The following ZAN variants were observed in gnomAD, a reference collection of about 807,000 sequenced individuals.
The protein encoded by ZAN is zonadhesin, also known as zonadhesin (gene/pseudogene).
In ZAN, 260 loss-of-function variants were observed where a neutral mutation model predicts 286.2. The observed-to-expected ratio is 0.91, with a 90% confidence interval of 0.82 to 1.01. The LOEUF is 1.01. ZAN is among the 50% of genes least tolerant of loss of function. The pLI, the probability that ZAN is intolerant of heterozygous loss-of-function variation, is 0.00. For synonymous variants in ZAN, 1,368 were observed against 1,417.5 expected, an observed-to-expected ratio of 0.97 and a Z score of 0.79; for missense variants, 3,410 against 3,639.2, an observed-to-expected ratio of 0.94 and a Z score of 1.62.
At chr7:100,749,987 G>T (rs1179041890) in intron 11 of ZAN, among the ~76,000 whole-genome samples, 1 of 146,048 alleles carries the variant, frequency 6.8e-6, no homozygotes, top group Non-Finnish European at 1.5e-5. Context: ...GGAGGTGGAG[G>T]TTGTAGTGAG....
At chr7:100,788,197 G>A in intron 38 of ZAN, 61 bp downstream of exon 38, 1 of 1,423,440 alleles carries the variant, frequency 7.0e-7, no homozygotes, top group African/African-American at 1.4e-5. Context: ...TAGGCCACCT[G>A]GAGTAGAAGT....
At chr7:100,767,340 C>T in intron 25 of ZAN, 83 bp downstream of exon 25, 1 of 1,536,444 alleles carries the variant, frequency 6.5e-7, no homozygotes, top group Non-Finnish European at 8.7e-7. Flanking sequence ...CCCGGATGCC[C>T]ACCTCTCTGG....
At chr7:100,750,275 T>C (rs1220075874) in intron 11 of ZAN, among the ~76,000 whole-genome samples, 1 of 151,904 alleles carries the variant, frequency 6.6e-6, no homozygotes, top group Non-Finnish European at 1.5e-5. Flanking sequence ...TAGCTGGGAC[T>C]CCAGGCACGG....
At chr7:100,776,666 C>T in intron 34 of ZAN, 102 bp downstream of exon 34, 2 of 630,756 alleles carry the variant, frequency 3.2e-6, no homozygotes, top group Non-Finnish European at 2.3e-6. Context: ...CTCCCCTCCC[C>T]TTCCTTCCTT....
At chr7:100,738,779 C>G (rs994413971) in intron 7 of ZAN, among the ~76,000 whole-genome samples, 166 bp downstream of exon 7, 1 of 137,936 alleles carries the variant, frequency 7.2e-6, no homozygotes, top group African/African-American at 2.6e-5. Flanking sequence ...TCCCCCACCA[C>G]CGCCCTACAA....
At chr7:100,778,365 A>C (rs1810959078) in intron 34 of ZAN, among the ~76,000 whole-genome samples, 1 of 150,666 alleles carries the variant, frequency 6.6e-6, no homozygotes. Context: ...ACACTTCGTG[A>C]GGCCAATGTG....
Position 100,768,599 on chromosome 7 carries a change from C to A in ZAN, c.5042-11C>A, listed in dbSNP as rs569056525. The A allele has an allele frequency of 5.0e-6, 8 of 1,591,542 alleles. No individual in the cohort carries two copies. In the African/African-American group the frequency reaches 1.1e-4, roughly 21 times the overall value. On this transcript the variant is annotated splice_polypyrimidine_tract_variant and intron_variant, in intron 26 of 47. Coordinates refer to ENST00000613979, the MANE Select transcript of ZAN (RefSeq NM_003386.3). The stretch of plus-strand genomic sequence containing the variant: ...CCCCTTCTTGCCTGTTTTAATGACT[C>A]CCTCCTCTAGGGAACTACAACAACA...
At chr7:100,738,818 G>A (rs927008800) in intron 7 of ZAN, among the ~76,000 whole-genome samples, 1 of 130,714 alleles carries the variant, frequency 7.7e-6, no homozygotes, top group African/African-American at 2.8e-5. Context: ...AATACAGCCA[G>A]CTCCTCATCT....
At position 100,737,306 on chromosome 7, in the gene ZAN, C is replaced by A; in HGVS notation, c.570C>A (p.Ile190=). 6.7e-7 allele frequency: 1 copy of A among 1,488,832 alleles called. No homozygotes were observed. The highest frequency in any genetic ancestry group is 2.3e-5 in the East Asian group (1 of 42,640). 92.2% of individuals were successfully genotyped at this position (1,488,832 alleles called of 1,614,324 possible). A position where few individuals can be genotyped will look rare whatever the true frequency, so the allele number is the denominator to read the frequency against. Residue 190 remains isoleucine, a synonymous_variant, in exon 6 of 48, where the codon ATC becomes ATA. Coordinates refer to ENST00000613979, the MANE Select transcript of ZAN (RefSeq NM_003386.3). The part of the protein sequence containing the change: ...GTRGSTAYLD[I]ALDALSIRRG... ...GGGGTAGCACTGCCTACCTGGACAT[C>A]GCCCTGGATGCCCTCTCTATCCGCC...
intron 35 of ZAN, among the ~76,000 whole-genome samples, chr7:100,782,460 C>T (rs1811254060): frequency 6.6e-6 from 1 of 152,044 alleles, no homozygotes; most frequent in Non-Finnish European, 1.5e-5. Flanking sequence ...TTCCGAGTAG[C>T]TGGGATTACA....
chr7:100,771,316 C>G (rs187200911), intron 28 of ZAN, among the ~76,000 whole-genome samples: 1 of 152,300 alleles, frequency 6.6e-6, no homozygotes, highest in East Asian at 1.9e-4. Context: ...AGCTCATCCT[C>G]CTGCCTCAGC....
At chr7:100,749,601 T>C (rs1394277853) in intron 11 of ZAN, among the ~76,000 whole-genome samples, 41 of 145,526 alleles carry the variant, frequency 2.8e-4, no homozygotes, top group African/African-American at 5.4e-4. Context: ...GATCACGCCA[T>C]TGTACTCCAG....
intron 45 of ZAN, among the ~76,000 whole-genome samples, chr7:100,795,645 G>A (rs957550662): frequency 3.3e-5 from 5 of 151,880 alleles, no homozygotes; most frequent in South Asian, 4.2e-4. Context: ...GGTGGCTCAC[G>A]CCTGTAATCC....
chr7:100,738,313 G>A, intron 6 of ZAN, 148 bp from the exon 7 acceptor site: 1 of 732,906 alleles, frequency 1.4e-6, no homozygotes, highest in Non-Finnish European at 2.2e-6. Flanking sequence ...AGCTACTTGA[G>A]AGGTTGAGGT....
rs753272086 is a variant in ZAN at position 100,779,652 on chromosome 7, G to A, written c.6524G>A (p.Gly2175Asp). ...GCAAACACCCTCTGTGAGTTCGGAG[G>A]TCTCTACCAGGCCCTCTGCCAGGCT... ...DCANTLCEFG[G>D]LYQALCQALQ... Residue 2175 changes from glycine (G) to aspartate (D), a missense_variant, in exon 35 of 48, where the codon GGT (glycine) becomes GAT (aspartate). Gly to Asp is a moderately conservative substitution (Grantham distance 94). Transcript: ENST00000613979. The A allele has an allele frequency of 2.5e-6, 4 of 1,582,872 alleles. 1 individual carries two copies. The South Asian group carries it at 4.6e-5, about 18-fold the overall frequency.
At position 100,769,911 on chromosome 7, in the gene ZAN, T is replaced by C. The variant is rs1427563157; in HGVS notation, c.5185T>C (p.Cys1729Arg). 7 of 1,562,834 alleles carry C rather than the reference T, an allele frequency of 4.5e-6. No homozygotes were observed. The highest frequency in any genetic ancestry group is 6.1e-6 in the Non-Finnish European group (7 of 1,153,084). ...CFLVGGKPSS[C>R]QENSMADAWN... is the part of the protein sequence containing the mutation. The stretch of plus-strand genomic sequence containing the variant: ...CCTTGTGGGTGGCAAGCCCTCCAGC[T>C]GCCAGGAGAACAGCATGGCAGACGC... Residue 1729 changes from cysteine to arginine, a missense_variant, in exon 28 of 48, where the codon TGC becomes CGC. This residue lies in a region of ZAN where 1,042 missense variants were observed against 1,058.0 expected (regional missense o/e 0.98). Transcript: ENST00000613979.
chr7:100,787,011 A>G (rs993814003), intron 37 of ZAN, among the ~76,000 whole-genome samples: 2 of 152,010 alleles, frequency 1.3e-5, no homozygotes, highest in Admixed American at 6.6e-5. Context: ...GCAGTGAGCT[A>G]TGATTGTACC....
chr7:100,771,967 C>T lies in ZAN; in HGVS notation c.5372C>T (p.Ser1791Phe), dbSNP rs201558197. The change falls in exon 29 of 48, where the codon TCC becomes TTC. Residue 1791 changes from serine (S) to phenylalanine (F), a missense_variant. Physicochemically the swap from Ser to Phe is radical, Grantham distance 155 (BLOSUM62 -2). Coordinates refer to ENST00000613979, the MANE Select transcript of ZAN (RefSeq NM_003386.3). ...TGCCGCTCCCTGCAGGCCTACGCGT[C>T]CCTGTGTGCCCAGGCTGGCCAGGCC... ...ALCRSLQAYA[S>F]LCAQAGQAPA... 5 of 1,609,702 alleles carry T rather than the reference C, an allele frequency of 3.1e-6. No homozygotes were observed. In the Admixed American group the frequency reaches 5.0e-5, roughly 16 times the overall value.
At chr7:100,743,429 T>C (rs761069167) in intron 7 of ZAN, among the ~76,000 whole-genome samples, 1 of 152,064 alleles carries the variant, frequency 6.6e-6, no homozygotes, top group African/African-American at 2.4e-5. Flanking sequence ...TTCTTCCTTT[T>C]CTCTCTCACA....
Sources: allele counts gnomAD v4.1 joint callset (sites outside exome capture counted in the v4.1 genomes callset), GRCh38; gene constraint gnomAD v4.1.1; regional missense constraint gnomAD v4.1.1; transcripts MANE v1.5; gene names NCBI Gene and HGNC (gene_info 2026-07-23, HGNC 2026-07-21).